The following ARHGEF10 variants were observed in gnomAD, a reference collection of about 807,000 sequenced individuals.
ARHGEF10 encodes the protein Rho guanine nucleotide exchange factor 10.
In ARHGEF10, 140 loss-of-function variants were observed where a neutral mutation model predicts 147.4. The observed-to-expected ratio is 0.95, with a 90% confidence interval of 0.83 to 1.09. The LOEUF (loss-of-function observed/expected upper bound fraction) is 1.09. Ranked by LOEUF, ARHGEF10 falls within the 50% of genes least tolerant of loss-of-function variation. ARHGEF10 has a pLI of 0.00. For synonymous variants in ARHGEF10, 902 were observed against 695.8 expected (o/e 1.30, Z -4.67); for missense variants, 2,222 against 1,752.7 (o/e 1.27, Z -4.78).
chr8:1,952,840 T>A lies in ARHGEF10; in HGVS notation c.3520+13T>A. Reference sequence around the variant, plus strand: ...CCCAAAGTGACCGGTGAGTGGCACCTGCAGTCTGAGTGGCTGCATCCTGTC... The same window carrying A: ...CCCAAAGTGACCGGTGAGTGGCACCAGCAGTCTGAGTGGCTGCATCCTGTC... On this transcript the variant is annotated intron_variant, in intron 28 of 28. Coordinates refer to ENST00000349830, the MANE Select transcript of ARHGEF10 (RefSeq NM_014629.4). The A allele has an allele frequency of 6.2e-7, 1 of 1,613,754 alleles. No homozygotes were observed. Among genetic ancestry groups the A allele is most frequent in the South Asian group, 1.1e-5 (1 of 91,086 alleles).
In ARHGEF10 at chr8:1,923,581, C is replaced by T. The variant is rs773841009; in HGVS notation, c.2373C>T (p.Pro791=). 56 of 1,613,914 alleles carry T rather than the reference C, an allele frequency of 3.5e-5. No homozygotes were observed. In the South Asian group the frequency reaches 4.5e-4, roughly 13 times the overall value. ...ADCCRIQLQL[P]GKQDKSGRPT... is the part of the protein sequence containing the mutation. Reference sequence around the variant, plus strand: ...GCTGCAGAATTCAGTTACAGCTTCCCGGGAAGCAGGACAAGTTAGTAGTAG... The same window carrying T: ...GCTGCAGAATTCAGTTACAGCTTCCTGGGAAGCAGGACAAGTTAGTAGTAG... The change falls in exon 20 of 29, where the codon CCC becomes CCT. Residue 791 remains proline, a synonymous_variant. Coordinates refer to ENST00000349830, the MANE Select transcript of ARHGEF10 (RefSeq NM_014629.4).
intron 26 of ARHGEF10, among the ~76,000 whole-genome samples, chr8:1,940,508 A>G (rs1813997415): frequency 6.6e-6 from 1 of 152,254 alleles, no homozygotes; most frequent in African/African-American, 2.4e-5. Flanking sequence ...GAACAACAAC[A>G]AAAAGCCCAG....
chr8:1,912,141 G>T (rs1258714748), intron 18 of ARHGEF10, among the ~76,000 whole-genome samples: 1 of 152,170 alleles, frequency 6.6e-6, no homozygotes, highest in Admixed American at 6.5e-5. Flanking sequence ...AGCAGCTGCA[G>T]CAGGGAGCTC....
In ARHGEF10 at chr8:1,879,701, C is replaced by T. The variant is rs554209492; in HGVS notation, c.844-347C>T. On this transcript the variant is annotated intron_variant, in intron 8 of 28. Coordinates refer to ENST00000349830, the MANE Select transcript of ARHGEF10 (RefSeq NM_014629.4). Reference sequence around the variant, plus strand: ...CTAAGTAGCTAGGATCACAGGCGCGCACCACCCTACCTGGCTAATTTTTGT... The same window carrying T: ...CTAAGTAGCTAGGATCACAGGCGCGTACCACCCTACCTGGCTAATTTTTGT... 2.6e-5 allele frequency among the ~76,000 whole-genome samples: 4 copies of T among 152,100 alleles called. No individual in the cohort carries two copies. In the South Asian group the frequency reaches 8.3e-4, roughly 32 times the overall value.
intron 12 of ARHGEF10, among the ~76,000 whole-genome samples, chr8:1,893,945 A>G (rs1026603756): frequency 6.6e-6 from 1 of 152,080 alleles, no homozygotes; most frequent in Non-Finnish European, 1.5e-5. Context: ...AGGCTGAGTC[A>G]GGTGGATTGC....
At chr8:1,846,486 G>T (rs887842282) in intron 2 of ARHGEF10, among the ~76,000 whole-genome samples, 1 of 152,228 alleles carries the variant, frequency 6.6e-6, no homozygotes, top group African/African-American at 2.4e-5. Context: ...CCTGCGTGGG[G>T]ACACAGTTGG....
intron 4 of ARHGEF10, among the ~76,000 whole-genome samples, chr8:1,863,081 C>G (rs1457067453): frequency 6.6e-6 from 1 of 152,142 alleles, no homozygotes; most frequent in Non-Finnish European, 1.5e-5. Context: ...CCGCGGCCAG[C>G]TGGATCTTTG....
At chr8:1,862,992 C>T (rs1806275884) in intron 4 of ARHGEF10, among the ~76,000 whole-genome samples, 1 of 151,910 alleles carries the variant, frequency 6.6e-6, no homozygotes, top group African/African-American at 2.4e-5. Context: ...ACCATGTTGA[C>T]CAGGATGGAC....
At chr8:1,913,035 G>C (rs1213864495) in intron 18 of ARHGEF10, among the ~76,000 whole-genome samples, 1 of 152,144 alleles carries the variant, frequency 6.6e-6, no homozygotes, top group Non-Finnish European at 1.5e-5. Context: ...TTCTGTGGGG[G>C]GGTTTCTTCA....
At chr8:1,877,609 A>T (rs1271735902) in intron 8 of ARHGEF10, among the ~76,000 whole-genome samples, 1 of 151,148 alleles carries the variant, frequency 6.6e-6, no homozygotes, top group African/African-American at 2.4e-5. Context: ...GTGGGATGTC[A>T]GAGCTGTAAG....
intron 18 of ARHGEF10, among the ~76,000 whole-genome samples, chr8:1,909,957 C>T (rs957391996): frequency 6.6e-6 from 1 of 152,124 alleles, no homozygotes; most frequent in Admixed American, 6.5e-5. Context: ...ATGAACTTCC[C>T]AAGGTGAAAG....
intron 1 of ARHGEF10, among the ~76,000 whole-genome samples, chr8:1,830,363 G>C (rs576239952): frequency 1.3e-5 from 2 of 152,104 alleles, no homozygotes; most frequent in African/African-American, 2.4e-5. Flanking sequence ...AGGAGCCTCC[G>C]GGGGCCGTGC....
chr8:1,837,900 C>G (rs886377105), intron 1 of ARHGEF10, among the ~76,000 whole-genome samples: 1 of 152,060 alleles, frequency 6.6e-6, no homozygotes, highest in Admixed American at 6.5e-5. Context: ...GGTGAGGACT[C>G]GGGGTCGTGG....
intron 10 of ARHGEF10, 33 bp downstream of exon 10, chr8:1,882,782 C>G (rs1344179041): frequency 7.3e-7 from 1 of 1,363,848 alleles, no homozygotes. Flanking sequence ...GCGGGGAGGA[C>G]ACGGGGTTGG....
intron 15 of ARHGEF10, among the ~76,000 whole-genome samples, chr8:1,900,795 A>G (rs1401187551): frequency 6.6e-6 from 1 of 152,168 alleles, no homozygotes; most frequent in Non-Finnish European, 1.5e-5. Context: ...CCAGATCGTC[A>G]CCAGCAGAGT....
chr8:1,894,848 T>C (rs1000585195), intron 13 of ARHGEF10, among the ~76,000 whole-genome samples: 3 of 152,232 alleles, frequency 2.0e-5, no homozygotes, highest in Non-Finnish European at 2.9e-5. Flanking sequence ...TATCGAGTCT[T>C]GGATGCCCCA....
At chr8:1,939,597 C>G (rs1334829874) in intron 26 of ARHGEF10, among the ~76,000 whole-genome samples, 1 of 152,238 alleles carries the variant, frequency 6.6e-6, no homozygotes, top group Non-Finnish European at 1.5e-5. Context: ...GCACAGGGCC[C>G]TCGGCAGCTG....
In ARHGEF10 at chr8:1,826,029, CCTGT is replaced by C. The variant is rs1172184907; in HGVS notation, c.-48+1923_-48+1926del. 6.2e-5 allele frequency: 79 copies of C among 1,268,740 alleles called. No homozygotes were observed. In the African/African-American group the frequency reaches 1.0e-3, roughly 17 times the overall value. The allele number at this position is 1,268,740 out of a possible 1,614,324, so 78.6% of individuals were successfully genotyped here. A position where few individuals can be genotyped will look rare whatever the true frequency, so the allele number is the denominator to read the frequency against. Reference sequence around the variant, plus strand: ...TGTATTTTTAAAAACACACTTTGTCCCTGTCTGTCTCTCACAGCATTTATTTGCT... The same window carrying C: ...TGTATTTTTAAAAACACACTTTGTCCCTGTCTCTCACAGCATTTATTTGCT... On this transcript the variant is annotated intron_variant, in intron 1 of 28. Transcript: ENST00000349830.
chr8:1,955,801 G>A (rs571004110), intron 28 of ARHGEF10, among the ~76,000 whole-genome samples: 2 of 152,292 alleles, frequency 1.3e-5, no homozygotes, highest in African/African-American at 2.4e-5. Context: ...ATGGGCAGAA[G>A]CTCCTTCTGG....
Sources: allele counts gnomAD v4.1 joint callset (sites outside exome capture counted in the v4.1 genomes callset), GRCh38; gene constraint gnomAD v4.1.1; transcripts MANE v1.5; gene names NCBI Gene and HGNC (gene_info 2026-07-23, HGNC 2026-07-21).